Variants in SFMBT2 observed in about 807,000 individuals in gnomAD.
SFMBT2 encodes Scm like with four mbt domains 2.
Under a neutral mutation model 110.1 loss-of-function variants are expected in SFMBT2, and 38 were observed. That is an observed-to-expected ratio of 0.35 (90% CI 0.27 to 0.45). SFMBT2 has a LOEUF of 0.45. SFMBT2 is among the 20% of genes least tolerant of loss of function. The probability of loss-of-function intolerance (pLI) is 1.00; values close to 1 mark genes in which losing one functional copy is unlikely to be tolerated. For missense variants in SFMBT2, 1,011 were observed against 1,094.9 expected (o/e 0.92, Z 1.08); for synonymous variants, 425 against 425.4 (o/e 1.00, Z 0.01).
At chr10:7,403,846 C>G (rs1403740621) in intron 1 of SFMBT2, among the ~76,000 whole-genome samples, 2 of 152,160 alleles carry the variant, frequency 1.3e-5, no homozygotes, top group Non-Finnish European at 2.9e-5. Context: ...TGACAAAACT[C>G]TCCTAAAATA....
intron 4 of SFMBT2, among the ~76,000 whole-genome samples, chr10:7,352,215 T>C (rs977202038): frequency 6.6e-6 from 1 of 152,190 alleles, no homozygotes; most frequent in African/African-American, 2.4e-5. Context: ...GGCCTTTCTA[T>C]TCATCCACAG....
At chr10:7,298,415 C>T (rs1842466488) in intron 4 of SFMBT2, among the ~76,000 whole-genome samples, 1 of 152,186 alleles carries the variant, frequency 6.6e-6, no homozygotes, top group South Asian at 2.1e-4. Flanking sequence ...ATGTCACTTA[C>T]CCAAAAGCCC....
Position 7,256,657 on chromosome 10 carries a change from G to A in SFMBT2, c.871-8008C>T, listed in dbSNP as rs559733703. 3.3e-5 allele frequency among the ~76,000 whole-genome samples: 5 copies of A among 152,232 alleles called. 1 individual carries two copies. In the South Asian group the frequency reaches 8.3e-4, roughly 25 times the overall value. Reference sequence around the variant, plus strand: ...TCATCAATTATCCTCCATCGATACCGACTTCCATGCGATGTTATCGATGTT... The same window carrying A: ...TCATCAATTATCCTCCATCGATACCAACTTCCATGCGATGTTATCGATGTT... On this transcript the variant is annotated intron_variant, in intron 7 of 20. Transcript: ENST00000397167.
At chr10:7,378,446 T>G in intron 2 of SFMBT2, among the ~76,000 whole-genome samples, 1 of 45,908 alleles carries the variant, frequency 2.2e-5, no homozygotes, top group Non-Finnish European at 3.9e-5. Flanking sequence ...TGTGTGTGGG[T>G]GTATGTGTGG....
At chr10:7,269,917 G>C (rs1008845560) in intron 7 of SFMBT2, among the ~76,000 whole-genome samples, 1 of 150,756 alleles carries the variant, frequency 6.6e-6, no homozygotes, top group Non-Finnish European at 1.5e-5. Context: ...CATTACCTTC[G>C]TGTAAGCAGA....
At chr10:7,274,301 C>T (rs1449351632) in intron 7 of SFMBT2, among the ~76,000 whole-genome samples, 1 of 152,186 alleles carries the variant, frequency 6.6e-6, no homozygotes, top group Non-Finnish European at 1.5e-5. Context: ...GCCTGGGCAA[C>T]ACAGTGAGAC....
chr10:7,400,949 A>G (rs533421739), intron 1 of SFMBT2, among the ~76,000 whole-genome samples: 1 of 152,310 alleles, frequency 6.6e-6, no homozygotes, highest in Admixed American at 6.5e-5. Context: ...CCTGGTCAAC[A>G]TGGTGAAACC....
chr10:7,183,758 C>G (rs764108707), intron 16 of SFMBT2, among the ~76,000 whole-genome samples: 1 of 152,246 alleles, frequency 6.6e-6, no homozygotes, highest in Non-Finnish European at 1.5e-5. Context: ...TTACTTCTCA[C>G]TTGCTTTCCT....
At chr10:7,177,426 T>G (rs1435041715) in intron 16 of SFMBT2, among the ~76,000 whole-genome samples, 1 of 152,134 alleles carries the variant, frequency 6.6e-6, no homozygotes, top group East Asian at 1.9e-4. Flanking sequence ...ATTATATGGA[T>G]TGAACCATGT....
chr10:7,325,786 C>T (rs948139785), intron 4 of SFMBT2, among the ~76,000 whole-genome samples: 9 of 152,064 alleles, frequency 5.9e-5, no homozygotes, highest in Non-Finnish European at 1.0e-4. Flanking sequence ...TATCGGGTAA[C>T]GGTTTACTCT....
intron 16 of SFMBT2, among the ~76,000 whole-genome samples, chr10:7,184,314 TC>T (rs1217645219): frequency 6.6e-6 from 1 of 152,114 alleles, no homozygotes; most frequent in African/African-American, 2.4e-5. Flanking sequence ...CCCATACTTT[TC>T]CTGTGGTAGT....
intron 7 of SFMBT2, among the ~76,000 whole-genome samples, chr10:7,275,308 T>A (rs1383454951): frequency 6.6e-6 from 1 of 152,134 alleles, no homozygotes; most frequent in Non-Finnish European, 1.5e-5. Flanking sequence ...TGTGATTGGA[T>A]TTGATTCACA....
At chr10:7,283,783 A>C (rs1842013359) in intron 6 of SFMBT2, 121 bp downstream of exon 6, 1 of 771,292 alleles carries the variant, frequency 1.3e-6, no homozygotes, top group Admixed American at 2.3e-5. Flanking sequence ...AAAGTGCTTA[A>C]TATTCACATA....
chr10:7,308,103 C>T (rs963537667), intron 4 of SFMBT2, among the ~76,000 whole-genome samples: 3 of 152,156 alleles, frequency 2.0e-5, no homozygotes, highest in Non-Finnish European at 4.4e-5. Context: ...GCCTATAGTG[C>T]CTGAGACTCA....
At position 7,163,608 on chromosome 10, in the gene SFMBT2, A is replaced by G; in HGVS notation, c.*162T>C. 1 of 631,982 alleles carries G rather than the reference A, an allele frequency of 1.6e-6. No homozygotes were observed. Among genetic ancestry groups the G allele is most frequent in the Non-Finnish European group, 2.7e-6 (1 of 369,512 alleles). 39.1% of individuals were successfully genotyped at this position (631,982 alleles called of 1,614,324 possible). A position where few individuals can be genotyped will look rare whatever the true frequency, so the allele number is the denominator to read the frequency against. On this transcript the variant is annotated 3_prime_UTR_variant, in exon 21 of 21. Transcript: ENST00000397167. The surrounding 1 kb of genome is among the most constrained non-coding windows in gnomAD (Gnocchi z 4.8). ...TGCTGTGCTTTGAAAACATGGAAAC[A>G]GCTCACAGGCTGGCGGAGGCAGAAG...
chr10:7,388,676 A>G (rs1316291102), intron 1 of SFMBT2, among the ~76,000 whole-genome samples: 1 of 151,684 alleles, frequency 6.6e-6, no homozygotes, highest in Non-Finnish European at 1.5e-5. Context: ...ACACCCCACC[A>G]GAAGGATGAT....
intron 4 of SFMBT2, among the ~76,000 whole-genome samples, chr10:7,339,309 A>G (rs1482638335): frequency 6.6e-6 from 1 of 152,240 alleles, no homozygotes; most frequent in Non-Finnish European, 1.5e-5. Context: ...AAGTTTCGAT[A>G]AAACTGAATT....
chr10:7,345,568 A>G (rs1252303422), intron 4 of SFMBT2, among the ~76,000 whole-genome samples: 1 of 152,194 alleles, frequency 6.6e-6, no homozygotes, highest in East Asian at 1.9e-4. Flanking sequence ...CATGTTGGTC[A>G]GGCTGGTCTC....
intron 4 of SFMBT2, among the ~76,000 whole-genome samples, chr10:7,346,265 T>TAGAC (rs1305018348): frequency 6.6e-6 from 1 of 152,268 alleles, no homozygotes; most frequent in African/African-American, 2.4e-5. Context: ...GTTTTACTTC[T>TAGAC]AGACACTTGT....
Sources: gnomAD v4.1 joint callset for allele counts (sites outside exome capture counted in the v4.1 genomes callset) on GRCh38, gnomAD v4.1.1 for gene constraint, Gnocchi (gnomAD v3.1) non-coding constraint, MANE v1.5 for transcripts, NCBI Gene and HGNC (gene_info 2026-07-23, HGNC 2026-07-21) for gene names.